Variants in AAK1 observed in about 807,000 individuals in gnomAD.
The protein encoded by AAK1 is AP2-associated protein kinase 1.
Under a neutral mutation model 116.0 loss-of-function variants are expected in AAK1, and 37 were observed. That is an observed-to-expected ratio of 0.32 (90% CI 0.25 to 0.42). The LOEUF is 0.42. Among genes scored for constraint, AAK1 ranks in the 10% least tolerant of loss-of-function variants. The pLI is 1.00. For missense variants in AAK1, 919 were observed against 1,170.6 expected (o/e 0.79, Z 3.14); for synonymous variants, 458 against 439.9 (o/e 1.04, Z -0.51).
At chr2:69,484,400 T>G (rs1437242164) in intron 17 of AAK1, among the ~76,000 whole-genome samples, 1 of 152,206 alleles carries the variant, frequency 6.6e-6, no homozygotes, top group East Asian at 1.9e-4. Context: ...GACTTATATG[T>G]AAAGCCAATT....
chr2:69,580,306 C>T (rs912735498), intron 2 of AAK1, among the ~76,000 whole-genome samples: 3 of 152,178 alleles, frequency 2.0e-5, no homozygotes, highest in Non-Finnish European at 2.9e-5. Flanking sequence ...CTAAAGAATA[C>T]CCTTTCCCCA....
chr2:69,470,121 A>G lies in AAK1; in HGVS notation c.*5748T>C, dbSNP rs1234215377. ...TGAAGACTTAAATGTCAGGCTGGAT[A>G]TTCCTTAATGAAATACATCACACAA... On this transcript the variant is annotated 3_prime_UTR_variant, in exon 22 of 22. Transcript: ENST00000409085. 1.0e-6 allele frequency: 1 copy of G among 985,330 alleles called. No individual in the cohort carries two copies. The highest frequency in any genetic ancestry group is 1.1e-4 in the East Asian group (1 of 8,832). The allele number at this position is 985,330 out of a possible 1,614,324, so 61.0% of individuals were successfully genotyped here.
chr2:69,499,200 C>T (rs1675873422), intron 16 of AAK1, among the ~76,000 whole-genome samples: 1 of 152,218 alleles, frequency 6.6e-6, no homozygotes, highest in Admixed American at 6.5e-5. Context: ...CCCCCACTGA[C>T]ACACTACTAA....
At chr2:69,485,553 G>C (rs964180071) in intron 17 of AAK1, among the ~76,000 whole-genome samples, 3 of 152,094 alleles carry the variant, frequency 2.0e-5, no homozygotes, top group Admixed American at 6.5e-5. Context: ...AGGGTCTTAC[G>C]AACCTTTGTA....
chr2:69,638,202 ATC>A (rs1382251907), intron 2 of AAK1, among the ~76,000 whole-genome samples: 1 of 152,044 alleles, frequency 6.6e-6, no homozygotes, highest in Non-Finnish European at 1.5e-5. Context: ...TTATAACTAA[ATC>A]TCTCTGCCTG....
rs568159946 is a variant in AAK1 at position 69,475,197 on chromosome 2, G to A, written c.*672C>T. On this transcript the variant is annotated 3_prime_UTR_variant, in exon 22 of 22. Transcript: ENST00000409085. ...TTCAATGGAAGCCAGAAAGCTGGAC[G>A]AATGCTGGGCAGGTTGCATGGGGTG... is the stretch of plus-strand genomic sequence containing the variant. The A allele has an allele frequency of 8.8e-5, 87 of 985,908 alleles. No individual in the cohort carries two copies. Among genetic ancestry groups the A allele is most frequent in the Non-Finnish European group, 1.0e-4 (84 of 829,964 alleles). The allele number at this position is 985,908 out of a possible 1,614,324, so 61.1% of individuals were successfully genotyped here. A position where few individuals can be genotyped will look rare whatever the true frequency, so the allele number is the denominator to read the frequency against.
At chr2:69,517,822 G>A (rs1300604702) in intron 12 of AAK1, among the ~76,000 whole-genome samples, 1 of 152,000 alleles carries the variant, frequency 6.6e-6, no homozygotes, top group Non-Finnish European at 1.5e-5. Flanking sequence ...TGGATAAAAG[G>A]GGACTTAAAA....
intron 3 of AAK1, among the ~76,000 whole-genome samples, chr2:69,553,941 G>A (rs955259312): frequency 1.3e-5 from 2 of 151,738 alleles, no homozygotes; most frequent in Non-Finnish European, 2.9e-5. Flanking sequence ...GCTGGGTCTG[G>A]TGGCATGTGC....
chr2:69,602,784 T>C (rs4852866), intron 2 of AAK1, among the ~76,000 whole-genome samples: 61,628 of 151,950 alleles, frequency 0.41, 14,119 homozygotes, highest in East Asian at 0.73. Flanking sequence ...GTGCCTCACA[T>C]AAACTAAGCT....
At position 69,642,968 on chromosome 2, in the gene AAK1, C is replaced by A. The variant is rs1179132881; in HGVS notation, c.73G>T (p.Gly25Cys). Reference protein sequence around the residue: ...GLGSGSSGGGGSTSGLGSGYI... With the variant: ...GLGSGSSGGGCSTSGLGSGYI... Reference sequence around the variant, plus strand: ...CCACTGCCCAGGCCCGAGGTGCTGCCCCCTCCTCCGCTGGAGCCGGAGCCC... The same window carrying A: ...CCACTGCCCAGGCCCGAGGTGCTGCACCCTCCTCCGCTGGAGCCGGAGCCC... The change falls in exon 2 of 22, where the codon GGC (glycine) becomes TGC (cysteine). Residue 25 changes from glycine to cysteine, a missense_variant. By Grantham distance (159) the Gly-to-Cys change is radical. Around this residue, in one of 4 missense-constraint regions of AAK1, gnomAD observed 317 missense variants for 490.4 expected, o/e 0.65. Coordinates refer to ENST00000409085, the MANE Select transcript of AAK1 (RefSeq NM_014911.5). The A allele has an allele frequency of 6.2e-7, 1 of 1,613,216 alleles. No individual in the cohort carries two copies. Among genetic ancestry groups the A allele is most frequent in the East Asian group, 2.2e-5 (1 of 44,868 alleles).
At chr2:69,523,179 G>A (rs1191329775) in intron 10 of AAK1, among the ~76,000 whole-genome samples, 1 of 152,202 alleles carries the variant, frequency 6.6e-6, no homozygotes, top group African/African-American at 2.4e-5. Flanking sequence ...GTGGAGTGGA[G>A]TGGGGAAAGG....
At chr2:69,485,860 T>C (rs1675278266) in intron 17 of AAK1, among the ~76,000 whole-genome samples, 1 of 152,036 alleles carries the variant, frequency 6.6e-6, no homozygotes, top group African/African-American at 2.4e-5. Context: ...GGTTTCACTA[T>C]GATGGCCAGG....
intron 2 of AAK1, among the ~76,000 whole-genome samples, chr2:69,575,556 G>A (rs192953780): frequency 9.2e-5 from 13 of 141,480 alleles, no homozygotes; most frequent in African/African-American, 2.7e-4. Flanking sequence ...TGCAACCTCC[G>A]CCCACTGGTT....
intron 17 of AAK1, among the ~76,000 whole-genome samples, chr2:69,494,274 C>G (rs1675652992): frequency 6.6e-6 from 1 of 152,150 alleles, no homozygotes; most frequent in Non-Finnish European, 1.5e-5. Flanking sequence ...GGAAAGATGA[C>G]AAGAAGGCAG....
In AAK1 at chr2:69,471,959, C is replaced by G; in HGVS notation, c.*3910G>C. 1.0e-6 allele frequency: 1 copy of G among 985,356 alleles called. No homozygotes were observed. The highest frequency in any genetic ancestry group is 1.2e-6 in the Non-Finnish European group (1 of 829,856). The allele number at this position is 985,356 out of a possible 1,614,324, so 61.0% of individuals were successfully genotyped here. On this transcript the variant is annotated 3_prime_UTR_variant, in exon 22 of 22. Transcript: ENST00000409085. ...TTCGTTTCTTGGGTTTGTTTTTCCA[C>G]AAGTATTAGCAATCCAAGTTGTGTA...
rs1572868409 is a variant in AAK1 at position 69,467,819 on chromosome 2, CACTT to C, written c.*8046_*8049del. The C allele has an allele frequency of 1.0e-6, 1 of 985,286 alleles. No homozygotes were observed. Among genetic ancestry groups the C allele is most frequent in the Non-Finnish European group, 1.2e-6 (1 of 829,910 alleles). The allele number at this position is 985,286 out of a possible 1,614,324, so 61.0% of individuals were successfully genotyped here. Reference sequence around the variant, plus strand: ...AAAATCAGTTTATTGGGAAACCAGTCACTTAGAGACATTACATTGTAAAGAGAAT... The same window carrying C: ...AAAATCAGTTTATTGGGAAACCAGTCAGAGACATTACATTGTAAAGAGAAT... On this transcript the variant is annotated 3_prime_UTR_variant, in exon 22 of 22. Coordinates refer to ENST00000409085, the MANE Select transcript of AAK1 (RefSeq NM_014911.5).
intron 2 of AAK1, among the ~76,000 whole-genome samples, chr2:69,611,309 C>T (rs1434483729): frequency 6.6e-6 from 1 of 152,212 alleles, no homozygotes; most frequent in Non-Finnish European, 1.5e-5. Context: ...TCTCCTCCTG[C>T]CCTTGGGCAT....
In AAK1 at chr2:69,527,285, C is replaced by T. The variant is rs753183228; in HGVS notation, c.906G>A (p.Pro302=). ...AGAAGTAGGACACCTGGTAAATATC[C>T]GGCCTTTTGTCAGGGTCTGGTTCCA... ...YMLEPDPDKR[P]DIYQVSYFSF... Residue 302 remains proline, a synonymous_variant, in exon 9 of 22, where the codon CCG becomes CCA. Transcript: ENST00000409085. The T allele has an allele frequency of 3.7e-6, 6 of 1,608,690 alleles. No individual in the cohort carries two copies. Among genetic ancestry groups the T allele is most frequent in the South Asian group, 1.1e-5 (1 of 89,848 alleles).
chr2:69,544,429 T>C lies in AAK1; in HGVS notation c.391+7A>G, dbSNP rs749530318. ...TGACAGCTTAAGGGAATGGTTCATA[T>C]ACATACCTCTACAAAAGTCCATCAG... On this transcript the variant is annotated splice_region_variant and intron_variant, in intron 4 of 21. Coordinates refer to ENST00000409085, the MANE Select transcript of AAK1 (RefSeq NM_014911.5). The C allele has an allele frequency of 3.1e-6, 5 of 1,597,162 alleles. No individual in the cohort carries two copies. The highest frequency in any genetic ancestry group is 2.2e-5 in the East Asian group (1 of 44,756).
Sources: gnomAD v4.1 joint callset for allele counts (sites outside exome capture counted in the v4.1 genomes callset) on GRCh38, gnomAD v4.1.1 for gene constraint, gnomAD v4.1.1 regional missense constraint, MANE v1.5 for transcripts, NCBI Gene and HGNC (gene_info 2026-07-23, HGNC 2026-07-21) for gene names.